The following USH2A variants were observed in gnomAD, a reference collection of about 807,000 sequenced individuals.
USH2A encodes the protein Usher syndrome 2A (autosomal recessive, mild).
In USH2A, 443 loss-of-function variants were observed where a neutral mutation model predicts 538.9. The ratio of observed to expected loss-of-function variants is 0.82; its 90% CI spans 0.76 to 0.89. USH2A has a LOEUF of 0.89. Among genes scored for constraint, USH2A ranks in the 40% least tolerant of loss-of-function variants. The probability of loss-of-function intolerance (pLI) is 0.00; values close to 1 mark genes in which losing one functional copy is unlikely to be tolerated. For missense variants in USH2A, 6,633 were observed against 6,324.8 expected (o/e 1.05, Z -1.65); for synonymous variants, 2,413 against 2,273.5 (o/e 1.06, Z -1.75).
chr1:215,976,290 G>A (rs2102462843), intron 35 of USH2A, among the ~76,000 whole-genome samples: 1 of 152,210 alleles, frequency 6.6e-6, no homozygotes, highest in Non-Finnish European at 1.5e-5. Flanking sequence ...TTCCTAGTAG[G>A]ATTTCTTTTA....
At chr1:216,393,511 G>T (rs951558833) in intron 3 of USH2A, among the ~76,000 whole-genome samples, 4 of 152,030 alleles carry the variant, frequency 2.6e-5, no homozygotes, top group Non-Finnish European at 4.4e-5. Context: ...TTATTTCCAT[G>T]TGGCTTTTTA....
intron 43 of USH2A, among the ~76,000 whole-genome samples, chr1:215,872,787 A>G (rs79802820): frequency 0.023 from 3,443 of 152,032 alleles, 61 homozygotes; most frequent in Non-Finnish European, 0.037. Context: ...TCCCTGTGGT[A>G]GTGAGTGAGC....
chr1:216,104,609 G>A (rs907189634), intron 21 of USH2A, among the ~76,000 whole-genome samples: 15 of 152,224 alleles, frequency 9.9e-5, no homozygotes, highest in African/African-American at 3.4e-4. Flanking sequence ...GGGAAAACTG[G>A]CTAGCCATAT....
intron 3 of USH2A, among the ~76,000 whole-genome samples, chr1:216,395,088 G>A (rs1393710451): frequency 2.0e-5 from 3 of 152,096 alleles, no homozygotes; most frequent in Non-Finnish European, 4.4e-5. Context: ...AAACACTGTT[G>A]AGACTTCTGT....
At chr1:216,195,517 G>T (rs967770821) in intron 19 of USH2A, among the ~76,000 whole-genome samples, 11 of 152,270 alleles carry the variant, frequency 7.2e-5, no homozygotes, top group Middle Eastern at 3.4e-3. Flanking sequence ...TTAGTGGGCA[G>T]AACTTCAGGC....
intron 61 of USH2A, among the ~76,000 whole-genome samples, chr1:215,723,834 T>C (rs1164964413): frequency 1.3e-5 from 2 of 152,204 alleles, no homozygotes; most frequent in African/African-American, 4.8e-5. Context: ...TGGAGTCTTC[T>C]ACAACCCCTA....
intron 35 of USH2A, among the ~76,000 whole-genome samples, 174 bp from the exon 36 acceptor site, chr1:215,970,950 C>A (rs1226876871): frequency 6.6e-6 from 1 of 151,706 alleles, no homozygotes; most frequent in Non-Finnish European, 1.5e-5. Context: ...ATAGATGTTA[C>A]CCTTGAATAT....
chr1:215,822,890 G>C (rs1218102945), intron 47 of USH2A, among the ~76,000 whole-genome samples: 5 of 151,890 alleles, frequency 3.3e-5, no homozygotes, highest in African/African-American at 1.2e-4. Context: ...TATTGTACTT[G>C]GTTGCCAAAA....
chr1:216,183,297 A>G (rs1436202157), intron 20 of USH2A, among the ~76,000 whole-genome samples: 1 of 151,906 alleles, frequency 6.6e-6, no homozygotes, highest in Non-Finnish European at 1.5e-5. Context: ...TTTGGTTCTT[A>G]TAATGCCTCC....
intron 12 of USH2A, among the ~76,000 whole-genome samples, chr1:216,247,694 A>G (rs1028932587): frequency 5.3e-5 from 8 of 152,146 alleles, no homozygotes; most frequent in African/African-American, 1.7e-4. Context: ...CTGGAGCTCT[A>G]TTGTACAGCA....
intron 4 of USH2A, among the ~76,000 whole-genome samples, chr1:216,361,693 GA>G (rs1357304679): frequency 6.6e-6 from 1 of 152,168 alleles, no homozygotes; most frequent in East Asian, 1.9e-4. Flanking sequence ...GAATGGCAAA[GA>G]ATGATAACAT....
intron 37 of USH2A, among the ~76,000 whole-genome samples, chr1:215,948,848 G>A (rs1306173962): frequency 6.6e-6 from 1 of 151,908 alleles, no homozygotes; most frequent in Non-Finnish European, 1.5e-5. Context: ...ATGAATAACT[G>A]GAAGCAAATA....
intron 21 of USH2A, among the ~76,000 whole-genome samples, chr1:216,127,991 C>G (rs1306501220): frequency 6.6e-6 from 1 of 152,116 alleles, no homozygotes; most frequent in African/African-American, 2.4e-5. Context: ...GAGAATTTCA[C>G]TGCAAACTAG....
chr1:215,889,530 C>G (rs17025555), intron 40 of USH2A, among the ~76,000 whole-genome samples: 3 of 152,130 alleles, frequency 2.0e-5, no homozygotes, highest in African/African-American at 7.2e-5. Context: ...CTATATTATA[C>G]TTGGTTCTGT....
intron 54 of USH2A, among the ~76,000 whole-genome samples, chr1:215,781,222 T>C (rs1218995509): frequency 1.3e-5 from 2 of 152,176 alleles, no homozygotes; most frequent in Non-Finnish European, 2.9e-5. Flanking sequence ...GAAACTTCAG[T>C]CACCTCTCAA....
chr1:216,032,451 T>C (rs895497607), intron 32 of USH2A, among the ~76,000 whole-genome samples: 6 of 152,112 alleles, frequency 3.9e-5, no homozygotes, highest in African/African-American at 1.4e-4. Flanking sequence ...CATGCTTGAG[T>C]GATTCTGCTT....
chr1:215,992,371 C>T (rs1433170387), intron 35 of USH2A, among the ~76,000 whole-genome samples: 2 of 152,106 alleles, frequency 1.3e-5, no homozygotes, highest in African/African-American at 4.8e-5. Context: ...AAAACTATTA[C>T]AAATTCTTCA....
chr1:215,798,246 T>C (rs929579471), intron 50 of USH2A, among the ~76,000 whole-genome samples: 1 of 152,174 alleles, frequency 6.6e-6, no homozygotes, highest in Non-Finnish European at 1.5e-5. Context: ...CTGGTGAAGA[T>C]ACTGTGAACA....
At chr1:216,355,242 G>A (rs1023463712) in intron 4 of USH2A, among the ~76,000 whole-genome samples, 1 of 151,570 alleles carries the variant, frequency 6.6e-6, no homozygotes, top group African/African-American at 2.4e-5. Context: ...GGCAGATGTT[G>A]CAGTGAGCCA....
Sources: gnomAD v4.1 joint callset for allele counts (sites outside exome capture counted in the v4.1 genomes callset) on GRCh38, gnomAD v4.1.1 for gene constraint, MANE v1.5 for transcripts, NCBI Gene and HGNC (gene_info 2026-07-23, HGNC 2026-07-21) for gene names.